The following CCDC192 variants were observed in gnomAD, a reference collection of about 807,000 sequenced individuals.
The protein encoded by CCDC192 is coiled-coil domain-containing protein 192.
At chr5:127,872,249 C>T (rs905359392) in intron 5 of CCDC192, among the ~76,000 whole-genome samples, 3 of 152,132 alleles carry the variant, frequency 2.0e-5, no homozygotes, top group African/African-American at 7.2e-5. Context: ...CAATCTAAGT[C>T]TTTTATCCAA....
At position 127,883,743 on chromosome 5, in the gene CCDC192, T is replaced by G. The variant is rs1752445808; in HGVS notation, c.535+8082T>G. Among the ~76,000 whole-genome samples, 3 of 152,330 alleles carry G rather than the reference T, an allele frequency of 2.0e-5. No individual in the cohort carries two copies. The South Asian group carries it at 6.2e-4, about 32-fold the overall frequency. ...TCAATATGTACAAATTTAGTGTGAT[T>G]GTGATTTTCAAAATGTCATTTTAGA... On this transcript the variant is annotated intron_variant, in intron 6 of 6. Transcript: ENST00000514853.
intron 5 of CCDC192, among the ~76,000 whole-genome samples, chr5:127,818,520 G>C (rs1749135971): frequency 6.6e-6 from 1 of 152,152 alleles, no homozygotes; most frequent in Non-Finnish European, 1.5e-5. Context: ...CTGCTATCAA[G>C]AAGAGATTAC....
intron 5 of CCDC192, among the ~76,000 whole-genome samples, chr5:127,870,294 C>G (rs779761686): frequency 3.9e-5 from 6 of 152,184 alleles, no homozygotes; most frequent in Non-Finnish European, 8.8e-5. Context: ...GATATCTTGG[C>G]AACTCATGCA....
At chr5:127,734,843 G>C (rs1162628949) in intron 2 of CCDC192, among the ~76,000 whole-genome samples, 1 of 151,778 alleles carries the variant, frequency 6.6e-6, no homozygotes, top group African/African-American at 2.4e-5. Context: ...TGTCAGATGA[G>C]TAGGTTGCAA....
chr5:127,827,909 AT>A (rs1157433093), intron 5 of CCDC192, among the ~76,000 whole-genome samples: 3 of 151,572 alleles, frequency 2.0e-5, no homozygotes, highest in Admixed American at 6.6e-5. Flanking sequence ...TTTGCTAAGA[AT>A]TTTTTTTTCC....
chr5:127,887,512 C>T (rs966995400), intron 6 of CCDC192, among the ~76,000 whole-genome samples: 4 of 151,942 alleles, frequency 2.6e-5, no homozygotes, highest in Non-Finnish European at 2.9e-5. Context: ...CCCAGCTGAC[C>T]AGAACAATTT....
At chr5:127,932,220 T>C (rs1027162405) in intron 6 of CCDC192, among the ~76,000 whole-genome samples, 4 of 152,080 alleles carry the variant, frequency 2.6e-5, no homozygotes, top group Non-Finnish European at 5.9e-5. Flanking sequence ...TGTGGGTTTT[T>C]TGAGACAAAG....
intron 2 of CCDC192, among the ~76,000 whole-genome samples, chr5:127,734,083 C>G (rs1475533896): frequency 8.3e-4 from 96 of 115,790 alleles, no homozygotes; most frequent in African/African-American, 2.8e-3. Flanking sequence ...TCCCTCCCCC[C>G]ACCCCACAAC....
chr5:127,866,634 A>T (rs536118693), intron 5 of CCDC192, among the ~76,000 whole-genome samples: 2 of 152,022 alleles, frequency 1.3e-5, no homozygotes, highest in African/African-American at 4.8e-5. Flanking sequence ...AAAGATTCTA[A>T]AGTATTAATA....
chr5:127,776,526 G>A (rs190978941), intron 3 of CCDC192, among the ~76,000 whole-genome samples: 1 of 152,326 alleles, frequency 6.6e-6, no homozygotes, highest in Admixed American at 6.5e-5. Context: ...TTTCTGAGAA[G>A]AAATTCAATC....
At chr5:127,877,295 T>TA (rs1752121180) in intron 6 of CCDC192, among the ~76,000 whole-genome samples, 1 of 152,146 alleles carries the variant, frequency 6.6e-6, no homozygotes, top group African/African-American at 2.4e-5. Flanking sequence ...TGGCTTGGGA[T>TA]AGGGAAGAAA....
intron 2 of CCDC192, among the ~76,000 whole-genome samples, chr5:127,710,123 G>A (rs953648471): frequency 5.9e-5 from 9 of 152,034 alleles, no homozygotes; most frequent in South Asian, 2.1e-4. Context: ...GTTGTGCTTC[G>A]GTTTCTGATT....
intron 5 of CCDC192, among the ~76,000 whole-genome samples, chr5:127,799,545 C>A (rs1175240485): frequency 1.3e-5 from 2 of 152,164 alleles, no homozygotes; most frequent in African/African-American, 4.8e-5. Context: ...TACCCACAGT[C>A]ATTCACATGG....
intron 1 of CCDC192, 137 bp downstream of exon 1, chr5:127,703,644 G>T: frequency 5.2e-6 from 2 of 383,260 alleles, no homozygotes; most frequent in Non-Finnish European, 4.6e-6. Context: ...TCCTTTCCTG[G>T]AGAGTGACCC....
chr5:127,865,448 A>C (rs2127114204), intron 5 of CCDC192, among the ~76,000 whole-genome samples: 1 of 151,994 alleles, frequency 6.6e-6, no homozygotes, highest in South Asian at 2.1e-4. Context: ...TATTTTTTCC[A>C]TCACCTTTCA....
intron 3 of CCDC192, among the ~76,000 whole-genome samples, chr5:127,779,464 T>C (rs2126928523): frequency 6.6e-6 from 1 of 151,596 alleles, no homozygotes; most frequent in Admixed American, 6.5e-5. Flanking sequence ...CCTGGCTAAT[T>C]TATTGTATTT....
At chr5:127,885,237 C>T (rs922493787) in intron 6 of CCDC192, among the ~76,000 whole-genome samples, 5 of 152,170 alleles carry the variant, frequency 3.3e-5, no homozygotes, top group Admixed American at 2.0e-4. Context: ...AGGTTTCGTT[C>T]TTAGCTACAG....
chr5:127,850,435 G>C (rs920662162), intron 5 of CCDC192, among the ~76,000 whole-genome samples: 9 of 152,124 alleles, frequency 5.9e-5, no homozygotes, highest in Non-Finnish European at 4.4e-5. Context: ...AGGCATCTTG[G>C]TGGATATTTT....
chr5:127,884,419 CTT>C (rs1752488388), intron 6 of CCDC192, among the ~76,000 whole-genome samples: 1 of 140,678 alleles, frequency 7.1e-6, no homozygotes, highest in Non-Finnish European at 1.5e-5. Flanking sequence ...AGAAAGCTAT[CTT>C]ATATCATTAC....
Sources: gnomAD v4.1 joint callset for allele counts (sites outside exome capture counted in the v4.1 genomes callset) on GRCh38, gnomAD v4.1.1 for gene constraint, MANE v1.5 for transcripts, NCBI Gene and HGNC (gene_info 2026-07-23, HGNC 2026-07-21) for gene names.